The following SYCP2L variants were observed in gnomAD, a reference collection of about 807,000 sequenced individuals.
SYCP2L encodes synaptonemal complex protein 2 like, also known as synaptonemal complex protein 2-like.
SYCP2L carries 98 observed loss-of-function variants against 125.8 expected under a neutral mutation model. That is an observed-to-expected ratio of 0.78 (90% CI 0.66 to 0.92). SYCP2L has a LOEUF of 0.92. Ranked by LOEUF, SYCP2L falls within the 40% of genes least tolerant of loss-of-function variation. SYCP2L has a pLI of 0.00. For synonymous variants in SYCP2L, 317 were observed against 325.4 expected (o/e 0.97, Z 0.28); for missense variants, 842 against 936.4 (o/e 0.90, Z 1.32).
chr6:10,966,890 G>T (rs1399904119), intron 29 of SYCP2L, among the ~76,000 whole-genome samples: 1 of 152,082 alleles, frequency 6.6e-6, no homozygotes, highest in Non-Finnish European at 1.5e-5. Flanking sequence ...ATTCATAGAG[G>T]CCTTAAAAAG....
Position 10,891,598 on chromosome 6 carries a change from T to C in SYCP2L, c.78+17T>C. Reference sequence around the variant, plus strand: ...GCTTTCTGGGTAAAGATCAAGTTTCTTTTATAATCTCTCTCTGTGTGTGTG... The same window carrying C: ...GCTTTCTGGGTAAAGATCAAGTTTCCTTTATAATCTCTCTCTGTGTGTGTG... On this transcript the variant is annotated intron_variant, in intron 2 of 29. Coordinates refer to ENST00000283141, the MANE Select transcript of SYCP2L (RefSeq NM_001040274.3). 1.4e-6 allele frequency: 2 copies of C among 1,452,922 alleles called. No homozygotes were observed. The highest frequency in any genetic ancestry group is 1.9e-6 in the Non-Finnish European group (2 of 1,038,578). 90.0% of individuals were successfully genotyped at this position (1,452,922 alleles called of 1,614,324 possible).
At chr6:10,957,029 A>G (rs999118351) in intron 25 of SYCP2L, among the ~76,000 whole-genome samples, 18 of 151,788 alleles carry the variant, frequency 1.2e-4, no homozygotes, top group African/African-American at 3.6e-4. Context: ...GGGTCTTTCT[A>G]TGTTGCCCAG....
At chr6:10,911,593 T>C (rs995790167) in intron 12 of SYCP2L, among the ~76,000 whole-genome samples, 1 of 152,198 alleles carries the variant, frequency 6.6e-6, no homozygotes, top group Non-Finnish European at 1.5e-5. Context: ...GGTAGGCTGA[T>C]TCTTGTGTCT....
chr6:10,918,003 C>G (rs1316474364), intron 14 of SYCP2L, among the ~76,000 whole-genome samples: 16 of 152,074 alleles, frequency 1.1e-4, no homozygotes, highest in Admixed American at 1.0e-3. Flanking sequence ...AGGATTTCTG[C>G]TGAGAAATCT....
chr6:10,893,221 C>T (rs151064452), intron 2 of SYCP2L, among the ~76,000 whole-genome samples: 12 of 152,172 alleles, frequency 7.9e-5, no homozygotes, highest in Admixed American at 2.0e-4. Context: ...TGGTCTCGAA[C>T]TCCTGACCTC....
rs757740205 is a variant in SYCP2L, at chr6:10,887,144, C to A, written c.9+9C>A. The A allele has an allele frequency of 3.1e-6, 5 of 1,613,998 alleles. No homozygotes were observed. The highest frequency in any genetic ancestry group is 2.2e-5 in the South Asian group (2 of 91,088). On this transcript the variant is annotated intron_variant, in intron 1 of 29. Coordinates refer to ENST00000283141, the MANE Select transcript of SYCP2L (RefSeq NM_001040274.3). ...GCCTCGTTATGCAAGCGGTGAGTGA[C>A]CCCCGAAGGGCCCGGACCTTCTGTC...
At chr6:10,918,925 T>C (rs987891461) in intron 14 of SYCP2L, among the ~76,000 whole-genome samples, 10 of 152,234 alleles carry the variant, frequency 6.6e-5, no homozygotes, top group Non-Finnish European at 1.3e-4. Context: ...CCTGAAATTT[T>C]GATTGTTTTT....
At chr6:10,930,688 A>G (rs1158525693) in intron 19 of SYCP2L, among the ~76,000 whole-genome samples, 174 bp downstream of exon 19, 1 of 152,244 alleles carries the variant, frequency 6.6e-6, no homozygotes, top group Non-Finnish European at 1.5e-5. Flanking sequence ...ATGAAACAGA[A>G]GAACATGAAA....
At chr6:10,953,238 A>G (rs1479924688) in intron 23 of SYCP2L, among the ~76,000 whole-genome samples, 1 of 152,114 alleles carries the variant, frequency 6.6e-6, no homozygotes, top group South Asian at 2.1e-4. Flanking sequence ...CCAAATTCAT[A>G]TATTTATAGA....
chr6:10,924,402 C>G (rs1269850454), intron 14 of SYCP2L, 94 bp from the exon 15 acceptor site: 1 of 1,051,422 alleles, frequency 9.5e-7, no homozygotes, highest in Non-Finnish European at 1.3e-6. Flanking sequence ...AAAATCTGGA[C>G]AAATACCCTA....
chr6:10,914,274 A>G (rs577850532), intron 14 of SYCP2L, among the ~76,000 whole-genome samples: 17 of 152,138 alleles, frequency 1.1e-4, no homozygotes, highest in African/African-American at 4.1e-4. Context: ...ATTTGTTGAA[A>G]AGGATATCCT....
At chr6:10,931,385 T>G in intron 19 of SYCP2L, 55 bp from the exon 20 acceptor site, 2 of 1,580,716 alleles carry the variant, frequency 1.3e-6, no homozygotes, top group Non-Finnish European at 1.7e-6. Flanking sequence ...AGTAGAGAAT[T>G]TTTATGCCTC....
intron 14 of SYCP2L, 115 bp downstream of exon 14, chr6:10,913,042 AG>A: frequency 1.0e-6 from 1 of 959,498 alleles, no homozygotes; most frequent in Non-Finnish European, 1.6e-6. Context: ...TGAGGTAGGA[AG>A]GCTGTATGGT....
chr6:10,907,937 G>A (rs553963617), intron 10 of SYCP2L, among the ~76,000 whole-genome samples: 4 of 116,836 alleles, frequency 3.4e-5, no homozygotes, highest in African/African-American at 1.3e-4. Context: ...TGCCCAGGCT[G>A]GAGTATAGTG....
At chr6:10,951,685 A>G (rs1317415812) in intron 23 of SYCP2L, among the ~76,000 whole-genome samples, 1 of 152,216 alleles carries the variant, frequency 6.6e-6, no homozygotes, top group Non-Finnish European at 1.5e-5. Context: ...AAAGCGCTGT[A>G]AAAACCACAG....
At chr6:10,887,373 C>T (rs1200385686) in intron 1 of SYCP2L, among the ~76,000 whole-genome samples, 1 of 152,152 alleles carries the variant, frequency 6.6e-6, no homozygotes, top group Admixed American at 6.5e-5. Context: ...AAAGGGGAAC[C>T]GGAGAATTCG....
chr6:10,949,944 T>G (rs528050823), intron 23 of SYCP2L, among the ~76,000 whole-genome samples: 1 of 152,284 alleles, frequency 6.6e-6, no homozygotes, highest in South Asian at 2.1e-4. Context: ...TGTCCTTGCC[T>G]TCATTTAGAT....
intron 28 of SYCP2L, among the ~76,000 whole-genome samples, chr6:10,962,909 A>G (rs1781618382): frequency 6.6e-6 from 1 of 151,742 alleles, no homozygotes; most frequent in South Asian, 2.1e-4. Context: ...TCTTAATGTT[A>G]TTATTATTAC....
intron 6 of SYCP2L, 95 bp from the exon 7 acceptor site, chr6:10,902,582 G>A: frequency 9.7e-7 from 1 of 1,030,026 alleles, no homozygotes; most frequent in Non-Finnish European, 1.4e-6. Flanking sequence ...AGAAAAGCCA[G>A]AACGACATCC....
Sources: gnomAD v4.1 joint callset for allele counts (sites outside exome capture counted in the v4.1 genomes callset) on GRCh38, gnomAD v4.1.1 for gene constraint, MANE v1.5 for transcripts, NCBI Gene and HGNC (gene_info 2026-07-23, HGNC 2026-07-21) for gene names.